The following SPMIP4 variants were observed in gnomAD, a reference collection of about 807,000 sequenced individuals.
SPMIP4 encodes sperm-associated microtubule inner protein 4.
At chr7:25,143,326 T>A in the SPMIP4 span, among the ~76,000 whole-genome samples, 1 of 152,266 alleles carries the variant, frequency 6.6e-6, no homozygotes, top group South Asian at 2.1e-4. Context: ...GCTATGCATG[T>A]AAACATGAGT....
chr7:25,167,912 T>C, the SPMIP4 span, among the ~76,000 whole-genome samples: 28,143 of 152,202 alleles, frequency 0.18, 3,797 homozygotes, highest in African/African-American at 0.38. Flanking sequence ...CAATGCCCAG[T>C]AGATTCTAGT....
the SPMIP4 span, among the ~76,000 whole-genome samples, chr7:25,154,751 C>A: frequency 2.0e-5 from 3 of 152,140 alleles, no homozygotes; most frequent in African/African-American, 7.2e-5. Context: ...ACCACCAATT[C>A]TACAACGTTT....
the SPMIP4 span, among the ~76,000 whole-genome samples, chr7:25,134,024 G>A: frequency 6.6e-6 from 1 of 152,146 alleles, no homozygotes. Flanking sequence ...CACTTTGGGA[G>A]GCCGAGGCAG....
the SPMIP4 span, among the ~76,000 whole-genome samples, chr7:25,173,821 A>C: frequency 6.6e-6 from 1 of 152,218 alleles, no homozygotes; most frequent in Non-Finnish European, 1.5e-5. This position sits in a 1 kb window ranked among gnomAD's most constrained non-coding sequence, Gnocchi z 4.4. Context: ...CCGGTAGAAA[A>C]TGCTAATCAA....
chr7:25,155,477 C>G, the SPMIP4 span, among the ~76,000 whole-genome samples: 88,172 of 151,824 alleles, frequency 0.58, 25,854 homozygotes, highest in Middle Eastern at 0.64. Context: ...TTTCATAACT[C>G]GTATAAAAAA....
At chr7:25,168,928 T>C in the SPMIP4 span, among the ~76,000 whole-genome samples, 1 of 151,932 alleles carries the variant, frequency 6.6e-6, no homozygotes, top group African/African-American at 2.4e-5. Context: ...GGTCTCACCA[T>C]GTCGGCCAGG....
chr7:25,153,697 G>GT, the SPMIP4 span, among the ~76,000 whole-genome samples: 2 of 152,170 alleles, frequency 1.3e-5, no homozygotes, highest in African/African-American at 2.4e-5. Context: ...GACAATTTAC[G>GT]TAACAAAGTC....
chr7:25,139,993 A>C, the SPMIP4 span, among the ~76,000 whole-genome samples: 1 of 152,216 alleles, frequency 6.6e-6, no homozygotes, highest in Non-Finnish European at 1.5e-5. Context: ...TTGCTTGCAC[A>C]ATGATTTTGC....
chr7:25,179,626 C>T, the SPMIP4 span: 6 of 225,874 alleles, frequency 2.7e-5, no homozygotes, highest in Non-Finnish European at 4.3e-5. Context: ...TCAATTCCTG[C>T]CTTAAATTTA....
the SPMIP4 span, chr7:25,142,649 C>G: frequency 6.2e-7 from 1 of 1,609,266 alleles, no homozygotes; most frequent in African/African-American, 1.3e-5. Context: ...CCTGTAAAAT[C>G]ATGAGTGTAC....
the SPMIP4 span, among the ~76,000 whole-genome samples, chr7:25,131,933 C>T: frequency 6.6e-6 from 1 of 152,196 alleles, no homozygotes; most frequent in Non-Finnish European, 1.5e-5. The surrounding 1 kb of genome is among the most constrained non-coding windows in gnomAD (Gnocchi z 4.2). Context: ...GGATGGAAGT[C>T]AGCGGCGGGT....
chr7:25,164,295 T>C, the SPMIP4 span, among the ~76,000 whole-genome samples: 1 of 152,158 alleles, frequency 6.6e-6, no homozygotes, highest in Non-Finnish European at 1.5e-5. Flanking sequence ...TGGTTCCAAT[T>C]GCATTGGAAG....
At chr7:25,176,908 G>A in the SPMIP4 span, among the ~76,000 whole-genome samples, 1 of 152,218 alleles carries the variant, frequency 6.6e-6, no homozygotes, top group African/African-American at 2.4e-5. The surrounding 1 kb of genome is among the most constrained non-coding windows in gnomAD (Gnocchi z 4.4). Flanking sequence ...AAGGCTAAGC[G>A]CAAGAAGAAA....
chr7:25,128,615 G>A, the SPMIP4 span, among the ~76,000 whole-genome samples: 3 of 152,216 alleles, frequency 2.0e-5, no homozygotes, highest in African/African-American at 7.2e-5. This position sits in a 1 kb window ranked among gnomAD's most constrained non-coding sequence, Gnocchi z 4.5. Flanking sequence ...CTTTGGCCCA[G>A]GGCATGTCCA....
At chr7:25,142,367 G>T in the SPMIP4 span, 1 of 1,456,012 alleles carries the variant, frequency 6.9e-7, no homozygotes, top group Non-Finnish European at 9.5e-7. Flanking sequence ...TTTTGTTAGG[G>T]TAAACGAAGA....
chr7:25,139,322 T>G, the SPMIP4 span, among the ~76,000 whole-genome samples: 1 of 152,150 alleles, frequency 6.6e-6, no homozygotes, highest in South Asian at 2.1e-4. Context: ...GATGGAAAGA[T>G]GGATAGATTA....
At chr7:25,169,195 G>T in the SPMIP4 span, among the ~76,000 whole-genome samples, 1 of 151,944 alleles carries the variant, frequency 6.6e-6, no homozygotes, top group Non-Finnish European at 1.5e-5. Context: ...TTCAAGACCA[G>T]CCTGGGCAAC....
At chr7:25,179,438 G>T in the SPMIP4 span, 1 of 898,780 alleles carries the variant, frequency 1.1e-6, no homozygotes. Context: ...GACGTCACAG[G>T]CTTCCCTCTG....
At chr7:25,179,546 C>A in the SPMIP4 span, 1 of 364,784 alleles carries the variant, frequency 2.7e-6, no homozygotes, top group Non-Finnish European at 4.9e-6. Flanking sequence ...ACGGTGCCTC[C>A]AAGTAGTCAC....
Sources: allele counts gnomAD v4.1 joint callset (sites outside exome capture counted in the v4.1 genomes callset), GRCh38; gene constraint gnomAD v4.1.1; non-coding constraint Gnocchi (gnomAD v3.1); transcripts MANE v1.5; gene names NCBI Gene and HGNC (gene_info 2026-07-23, HGNC 2026-07-21).